PIK3R4: variants seen among roughly 807,000 people sequenced by gnomAD.
PIK3R4 encodes phosphoinositide-3-kinase regulatory subunit 4, also known as phosphoinositide 3-kinase regulatory subunit 4.
In PIK3R4, 46 loss-of-function variants were observed where a neutral mutation model predicts 136.5. That is an observed-to-expected ratio of 0.34 (90% CI 0.27 to 0.43). PIK3R4 has a LOEUF of 0.43. PIK3R4 is among the 20% of genes least tolerant of loss of function. The pLI, the probability that PIK3R4 is intolerant of heterozygous loss-of-function variation, is 1.00. For synonymous variants in PIK3R4, 557 were observed against 566.7 expected (o/e 0.98, Z 0.24); for missense variants, 1,331 against 1,649.5 (o/e 0.81, Z 3.35).
chr3:130,728,578 C>A lies in PIK3R4; in HGVS notation c.1692G>T (p.Leu564=). ...CTTTCTGACGTCCAAAGAATACACA[C>A]AGCCGTGTTATTCCATTTTCCATCA... is the stretch of plus-strand genomic sequence containing the variant. ...QTLMENGITR[L]CVFFGRQKAN... The change falls in exon 6 of 20, where the codon CTG becomes CTT. Residue 564 remains leucine (L), a synonymous_variant. Coordinates refer to ENST00000356763, the MANE Select transcript of PIK3R4 (RefSeq NM_014602.3). 6.2e-7 allele frequency: 1 copy of A among 1,612,888 alleles called. No homozygotes were observed. Among genetic ancestry groups the A allele is most frequent in the Non-Finnish European group, 8.5e-7 (1 of 1,179,324 alleles).
intron 16 of PIK3R4, among the ~76,000 whole-genome samples, chr3:130,682,165 G>T (rs1414457112): frequency 6.6e-6 from 1 of 152,160 alleles, no homozygotes; most frequent in Non-Finnish European, 1.5e-5. Flanking sequence ...CTTTGCAGAT[G>T]TGATGAAATT....
At chr3:130,687,362 TATG>T (rs1182315925) in intron 14 of PIK3R4, among the ~76,000 whole-genome samples, 1 of 152,180 alleles carries the variant, frequency 6.6e-6, no homozygotes, top group Non-Finnish European at 1.5e-5. Context: ...CTGAATCACT[TATG>T]ATGTTAACTT....
rs376477491 is a variant in PIK3R4 at position 130,690,659 on chromosome 3, A to G, written c.3099-5T>C. On this transcript the variant is annotated splice_polypyrimidine_tract_variant and splice_region_variant and intron_variant, in intron 13 of 19. Coordinates refer to ENST00000356763, the MANE Select transcript of PIK3R4 (RefSeq NM_014602.3). Reference sequence around the variant, plus strand: ...CGGCTGTATGTAAGAATAGATCTGAATGAAAGAAAAATAAAATTCATTTAT... The same window carrying G: ...CGGCTGTATGTAAGAATAGATCTGAGTGAAAGAAAAATAAAATTCATTTAT... 2 of 1,573,720 alleles carry G rather than the reference A, an allele frequency of 1.3e-6. No homozygotes were observed. The highest frequency in any genetic ancestry group is 2.3e-5 in the South Asian group (2 of 86,692).
chr3:130,738,375 A>G (rs866302960), intron 2 of PIK3R4, among the ~76,000 whole-genome samples: 2 of 152,220 alleles, frequency 1.3e-5, no homozygotes, highest in Non-Finnish European at 2.9e-5. Flanking sequence ...GAACATAAGC[A>G]CATAAAATAT....
At chr3:130,730,714 A>T (rs2066756502) in intron 4 of PIK3R4, among the ~76,000 whole-genome samples, 1 of 151,992 alleles carries the variant, frequency 6.6e-6, no homozygotes, top group Non-Finnish European at 1.5e-5. Context: ...ACCAAAAAAA[A>T]AAAAAAGCCT....
chr3:130,708,908 G>A (rs1430585530), intron 9 of PIK3R4, among the ~76,000 whole-genome samples: 1 of 152,072 alleles, frequency 6.6e-6, no homozygotes, highest in Non-Finnish European at 1.5e-5. Flanking sequence ...CTTCAACTTT[G>A]CTCCTGGTTG....
At chr3:130,699,933 AC>A (rs939842948) in intron 13 of PIK3R4, among the ~76,000 whole-genome samples, 2 of 152,114 alleles carry the variant, frequency 1.3e-5, no homozygotes, top group Non-Finnish European at 2.9e-5. Context: ...TTGTAAAAAA[AC>A]CTCCAGGAAA....
chr3:130,698,114 T>C (rs2066556446), intron 13 of PIK3R4, among the ~76,000 whole-genome samples: 1 of 152,214 alleles, frequency 6.6e-6, no homozygotes, highest in African/African-American at 2.4e-5. Flanking sequence ...ATGAGTCACT[T>C]TTCTCTCTCT....
intron 6 of PIK3R4, among the ~76,000 whole-genome samples, chr3:130,726,498 T>C (rs981427560): frequency 1.3e-5 from 2 of 152,054 alleles, no homozygotes. Flanking sequence ...AGTGACAAAG[T>C]GAACACCTGA....
chr3:130,715,868 G>T (rs1348900748), intron 9 of PIK3R4, among the ~76,000 whole-genome samples: 1 of 152,134 alleles, frequency 6.6e-6, no homozygotes, highest in Non-Finnish European at 1.5e-5. Flanking sequence ...GTAAGATTTT[G>T]TTAATTGATT....
intron 13 of PIK3R4, among the ~76,000 whole-genome samples, chr3:130,692,517 G>A (rs971688216): frequency 6.6e-6 from 1 of 152,182 alleles, no homozygotes; most frequent in African/African-American, 2.4e-5. Context: ...AGTTTATGGT[G>A]TGGTATGTAA....
Position 130,680,728 on chromosome 3 carries a change from A to G in PIK3R4, c.3798-7T>C. ...GTAAGCCAAGTCCCAAAACCTAGGAAAGAGGAAATAAATGATGACAATCTC... is the reference window on the plus strand; with the variant it reads ...GTAAGCCAAGTCCCAAAACCTAGGAGAGAGGAAATAAATGATGACAATCTC... On this transcript the variant is annotated splice_region_variant and splice_polypyrimidine_tract_variant and intron_variant, in intron 18 of 19. Coordinates refer to ENST00000356763, the MANE Select transcript of PIK3R4 (RefSeq NM_014602.3). 1 of 1,534,366 alleles carries G rather than the reference A, an allele frequency of 6.5e-7. No individual in the cohort carries two copies. Among genetic ancestry groups the G allele is most frequent in the Non-Finnish European group, 9.0e-7 (1 of 1,110,450 alleles).
intron 9 of PIK3R4, among the ~76,000 whole-genome samples, chr3:130,712,794 G>A (rs1458892499): frequency 6.6e-6 from 1 of 152,164 alleles, no homozygotes; most frequent in African/African-American, 2.4e-5. Context: ...AGTGAAGGTA[G>A]AGAAAAGGCT....
chr3:130,690,744 C>T (rs1399211568), intron 13 of PIK3R4, 90 bp from the exon 14 acceptor site: 4 of 718,192 alleles, frequency 5.6e-6, no homozygotes, highest in Non-Finnish European at 9.2e-6. Context: ...AAAATTATTA[C>T]TTTGGGGTCC....
intron 3 of PIK3R4, among the ~76,000 whole-genome samples, chr3:130,734,355 C>A (rs146548680): frequency 5.1e-4 from 78 of 152,222 alleles, no homozygotes; most frequent in African/African-American, 1.8e-3. Flanking sequence ...CTCAGTATTC[C>A]CCATTTATTA....
rs1207252951 is a variant in PIK3R4, at chr3:130,704,223, C to T, written c.2933-335G>A. 5.9e-5 allele frequency among the ~76,000 whole-genome samples: 9 copies of T among 152,248 alleles called. No homozygotes were observed. The East Asian group carries it at 1.5e-3, about 26-fold the overall frequency. ...GAAATCCCTGAACTACAAAATTTGA[C>T]ATCTTTTCTGTGATTTATTAAATAA... On this transcript the variant is annotated intron_variant, in intron 12 of 19. Coordinates refer to ENST00000356763, the MANE Select transcript of PIK3R4 (RefSeq NM_014602.3).
At chr3:130,703,935 C>T (rs1199477660) in intron 12 of PIK3R4, 47 bp from the exon 13 acceptor site, 1 of 1,249,052 alleles carries the variant, frequency 8.0e-7, no homozygotes, top group Non-Finnish European at 1.1e-6. Context: ...TTTACAAATA[C>T]AATGTCCCCA....
At chr3:130,741,664 T>A (rs1247195278) in intron 2 of PIK3R4, among the ~76,000 whole-genome samples, 2 of 152,144 alleles carry the variant, frequency 1.3e-5, no homozygotes, top group Non-Finnish European at 2.9e-5. Flanking sequence ...CTTTTCAATA[T>A]CATTCTGCTT....
chr3:130,687,119 A>G (rs1027728574), intron 14 of PIK3R4, among the ~76,000 whole-genome samples: 9 of 149,306 alleles, frequency 6.0e-5, no homozygotes, highest in African/African-American at 2.2e-4. Flanking sequence ...ATAATGAGGT[A>G]TCTTGGGAAT....
Sources: allele counts gnomAD v4.1 joint callset (sites outside exome capture counted in the v4.1 genomes callset), GRCh38; gene constraint gnomAD v4.1.1; transcripts MANE v1.5; gene names NCBI Gene and HGNC (gene_info 2026-07-23, HGNC 2026-07-21).